Variants in SGCD observed in about 807,000 individuals in gnomAD.
SGCD encodes the protein delta-sarcoglycan.
In SGCD, 18 loss-of-function variants were observed where a neutral mutation model predicts 36.6. The observed-to-expected ratio is 0.49, with a 90% CI of 0.34 to 0.73. The LOEUF is 0.73. Ranked by LOEUF, SGCD falls within the 30% of genes least tolerant of loss-of-function variation. SGCD has a pLI of 0.01. For synonymous variants in SGCD, 133 were observed against 130.6 expected (o/e 1.02, Z -0.12); for missense variants, 387 against 346.7 (o/e 1.12, Z -0.92).
At chr5:156,552,168 A>G (rs1758825725) in intron 4 of SGCD, among the ~76,000 whole-genome samples, 1 of 152,196 alleles carries the variant, frequency 6.6e-6, no homozygotes, top group South Asian at 2.1e-4. Context: ...TGCCACAGAC[A>G]CACAGCACAT....
chr5:156,183,246 G>T (rs1189016248), intron 3 of SGCD, among the ~76,000 whole-genome samples: 1 of 152,150 alleles, frequency 6.6e-6, no homozygotes, highest in Non-Finnish European at 1.5e-5. Flanking sequence ...AAAGACTTAG[G>T]TAGATTTCAA....
intron 5 of SGCD, among the ~76,000 whole-genome samples, chr5:156,592,044 A>G (rs1760742027): frequency 6.6e-6 from 1 of 152,112 alleles, no homozygotes; most frequent in Non-Finnish European, 1.5e-5. Flanking sequence ...GTGTTCTCTG[A>G]TTGCTGAAGC....
At chr5:156,141,959 A>G (rs1008250399) in intron 3 of SGCD, among the ~76,000 whole-genome samples, 26 of 152,136 alleles carry the variant, frequency 1.7e-4, no homozygotes, top group African/African-American at 6.3e-4. Flanking sequence ...TCAGCCTGAT[A>G]TGGTTTGGAT....
At chr5:156,378,969 A>G (rs939481773) in intron 3 of SGCD, among the ~76,000 whole-genome samples, 7 of 152,190 alleles carry the variant, frequency 4.6e-5, no homozygotes, top group African/African-American at 1.7e-4. Context: ...CCATTCAGTC[A>G]TTGAATGTCT....
intron 7 of SGCD, among the ~76,000 whole-genome samples, chr5:156,677,535 G>C (rs1488907716): frequency 1.3e-5 from 2 of 151,834 alleles, no homozygotes; most frequent in African/African-American, 4.8e-5. Flanking sequence ...ACCAGGGCCT[G>C]TTGTAGGGTT....
chr5:156,398,617 A>G (rs1411900264), intron 3 of SGCD, among the ~76,000 whole-genome samples: 1 of 152,202 alleles, frequency 6.6e-6, no homozygotes, highest in African/African-American at 2.4e-5. Flanking sequence ...TACATTTCCC[A>G]GCCTCTCTTG....
intron 3 of SGCD, among the ~76,000 whole-genome samples, chr5:156,188,763 AAC>A (rs1763823677): frequency 6.6e-6 from 1 of 151,986 alleles, no homozygotes; most frequent in Admixed American, 6.6e-5. Context: ...CACCAAAGAA[AAC>A]AGTTCTATTT....
At chr5:156,335,306 A>G (rs892422683) in intron 2 of SGCD, among the ~76,000 whole-genome samples, 1 of 152,182 alleles carries the variant, frequency 6.6e-6, no homozygotes, top group Non-Finnish European at 1.5e-5. Flanking sequence ...GTATATTACA[A>G]TTTGTGGGGC....
chr5:156,111,859 A>G (rs1581105279), intron 1 of SGCD, among the ~76,000 whole-genome samples: 1 of 151,366 alleles, frequency 6.6e-6, no homozygotes, highest in Non-Finnish European at 1.5e-5. Flanking sequence ...GCTCACTGCA[A>G]CCTCCGCCTC....
rs116582699 is a variant in SGCD, at chr5:156,265,069, C to T, written c.-43-64465C>T. Among the ~76,000 whole-genome samples, 1,138 of 152,242 alleles carry T rather than the reference C, an allele frequency of 7.5e-3. 8 individuals carry two copies. Among genetic ancestry groups the T allele is most frequent in the African/African-American group, 0.021 (882 of 41,564 alleles). ...TAGCAGCAAAGGAGAACTAGAAGCC[C>T]AGCCTTTTCAGTCTTGCCTAATATT... On this transcript the variant is annotated intron_variant, in intron 3 of 9. Transcript: ENST00000517913.
At chr5:156,674,531 G>A (rs959050580) in intron 7 of SGCD, among the ~76,000 whole-genome samples, 3 of 152,124 alleles carry the variant, frequency 2.0e-5, no homozygotes, top group Admixed American at 2.0e-4. Context: ...CCATAGTCAC[G>A]GACATCCCAT....
chr5:156,459,632 T>C (rs1412341029), intron 3 of SGCD, among the ~76,000 whole-genome samples: 2 of 152,288 alleles, frequency 1.3e-5, no homozygotes, highest in African/African-American at 4.8e-5. Flanking sequence ...CTTTGATAAG[T>C]GCTTGATGAT....
rs149695963 is a variant in SGCD, at chr5:156,593,312, TC to T, written c.383-1619del. 3.1e-3 allele frequency among the ~76,000 whole-genome samples: 472 copies of T among 152,102 alleles called. 4 individuals carry two copies. Among genetic ancestry groups the T allele is most frequent in the African/African-American group, 9.8e-3 (406 of 41,506 alleles). Reference sequence around the variant, plus strand: ...GGCACTATCAGCCCAGCCTTAGCATTCTCCTGCTTCAATGTAATTTTTCAGA... The same window carrying T: ...GGCACTATCAGCCCAGCCTTAGCATTTCCTGCTTCAATGTAATTTTTCAGA... On this transcript the variant is annotated intron_variant, in intron 5 of 8. Coordinates refer to ENST00000337851, the MANE Select transcript of SGCD (RefSeq NM_000337.6).
At chr5:156,622,026 C>A (rs1046005909) in intron 6 of SGCD, among the ~76,000 whole-genome samples, 10 of 152,144 alleles carry the variant, frequency 6.6e-5, no homozygotes, top group African/African-American at 2.4e-4. Context: ...ACTCTGAAAC[C>A]TGTATTTTGG....
intron 3 of SGCD, among the ~76,000 whole-genome samples, chr5:156,408,314 C>G (rs1772534222): frequency 6.6e-6 from 1 of 151,610 alleles, no homozygotes; most frequent in Admixed American, 6.6e-5. Flanking sequence ...CCCTGAAAAG[C>G]CTGGTTTAAC....
At chr5:155,999,320 CAAG>C (rs1758617599) in intron 1 of SGCD, among the ~76,000 whole-genome samples, 1 of 152,194 alleles carries the variant, frequency 6.6e-6, no homozygotes, top group African/African-American at 2.4e-5. Context: ...CCCCACTAAA[CAAG>C]AAATGCCACA....
At chr5:155,883,115 C>G (rs1755925657) in intron 1 of SGCD, among the ~76,000 whole-genome samples, 1 of 152,166 alleles carries the variant, frequency 6.6e-6, no homozygotes, top group Non-Finnish European at 1.5e-5. Flanking sequence ...GCTCCCTCAC[C>G]TCTCTCAGCT....
At chr5:155,973,360 A>G (rs1758043930) in intron 1 of SGCD, among the ~76,000 whole-genome samples, 1 of 152,190 alleles carries the variant, frequency 6.6e-6, no homozygotes, top group African/African-American at 2.4e-5. Context: ...CTTTGAATTT[A>G]GCTCTACACT....
chr5:156,406,817 T>TAC (rs1397848849), intron 3 of SGCD, among the ~76,000 whole-genome samples: 1,350 of 113,762 alleles, frequency 0.012, 26 homozygotes, highest in Non-Finnish European at 0.019. Context: ...TATATATATA[T>TAC]ATACACACAC....
Sources: gnomAD v4.1 joint callset for allele counts (sites outside exome capture counted in the v4.1 genomes callset) on GRCh38, gnomAD v4.1.1 for gene constraint, MANE v1.5 for transcripts, NCBI Gene and HGNC (gene_info 2026-07-23, HGNC 2026-07-21) for gene names.